The following STRN3 variants were observed in gnomAD, a reference collection of about 807,000 sequenced individuals.
STRN3 encodes striatin 3.
Under a neutral mutation model 95.6 loss-of-function variants are expected in STRN3, and 29 were observed. The ratio of observed to expected loss-of-function variants is 0.30; its 90% CI spans 0.23 to 0.41. The LOEUF is 0.41. STRN3 is among the 10% of genes least tolerant of loss of function. The pLI is 1.00. For missense variants in STRN3, 890 were observed against 972.1 expected (o/e 0.92, Z 1.12); for synonymous variants, 331 against 357.6 (o/e 0.93, Z 0.84).
At chr14:30,974,765 C>CACTA (rs1881007284) in intron 1 of STRN3, among the ~76,000 whole-genome samples, 1 of 152,054 alleles carries the variant, frequency 6.6e-6, no homozygotes, top group Non-Finnish European at 1.5e-5. Flanking sequence ...GACATTGCGC[C>CACTA]ACTACACTCC....
At chr14:30,944,516 A>G (rs558696575) in intron 5 of STRN3, among the ~76,000 whole-genome samples, 1 of 146,624 alleles carries the variant, frequency 6.8e-6, no homozygotes, top group East Asian at 2.0e-4. Flanking sequence ...GTATATATAC[A>G]TAATATATAC....
Position 31,010,649 on chromosome 14 carries a change from T to C in STRN3, c.282+15255A>G, listed in dbSNP as rs181163472. ...ACTTATTTTTAGTTTACCATAAGCA[T>C]TGCATAGTCATTAAACATTCTTCAT... is the stretch of plus-strand genomic sequence containing the variant. On this transcript the variant is annotated intron_variant, in intron 1 of 17. Coordinates refer to ENST00000357479, the MANE Select transcript of STRN3 (RefSeq NM_001083893.2). Among the ~76,000 whole-genome samples the C allele has an allele frequency of 5.5e-4, 84 of 152,200 alleles. 1 individual carries two copies. In the East Asian group the frequency reaches 0.014, roughly 26 times the overall value.
intron 1 of STRN3, among the ~76,000 whole-genome samples, chr14:30,987,414 G>A (rs1006424903): frequency 1.3e-5 from 2 of 152,104 alleles, no homozygotes; most frequent in Non-Finnish European, 2.9e-5. Context: ...GGCTGAGGCA[G>A]GAGAATGGCG....
chr14:31,016,020 C>T (rs1356758590), intron 1 of STRN3, among the ~76,000 whole-genome samples: 2 of 152,166 alleles, frequency 1.3e-5, no homozygotes, highest in Non-Finnish European at 2.9e-5. Context: ...GATACCACTG[C>T]ATAACTACCA....
chr14:31,022,751 C>T (rs1392552499), intron 1 of STRN3, among the ~76,000 whole-genome samples: 2 of 152,180 alleles, frequency 1.3e-5, no homozygotes, highest in African/African-American at 2.4e-5. Flanking sequence ...CAAATCTCAG[C>T]TGCAATACTT....
At chr14:31,007,166 G>A (rs1025601150) in intron 1 of STRN3, among the ~76,000 whole-genome samples, 1 of 152,122 alleles carries the variant, frequency 6.6e-6, no homozygotes, top group South Asian at 2.1e-4. Context: ...CCAAGAAAGG[G>A]TCCAATAAAA....
At chr14:30,946,455 G>A (rs995182957) in intron 5 of STRN3, among the ~76,000 whole-genome samples, 4 of 152,124 alleles carry the variant, frequency 2.6e-5, no homozygotes, top group Non-Finnish European at 4.4e-5. Context: ...GAGGTGGGAG[G>A]ATCACTTGAG....
intron 1 of STRN3, among the ~76,000 whole-genome samples, chr14:30,978,194 A>G (rs1881208167): frequency 1.3e-5 from 2 of 152,190 alleles, no homozygotes; most frequent in East Asian, 3.9e-4. Context: ...AACCAGAAAA[A>G]TGTACTAGAA....
chr14:30,909,772 C>T (rs924156950), intron 13 of STRN3, among the ~76,000 whole-genome samples: 4 of 152,126 alleles, frequency 2.6e-5, no homozygotes, highest in African/African-American at 9.7e-5. Flanking sequence ...ACCATTGTGT[C>T]CAGCCTGAAC....
At chr14:30,964,189 T>C (rs61976779) in intron 1 of STRN3, among the ~76,000 whole-genome samples, 23,654 of 151,920 alleles carry the variant, frequency 0.16, 2,058 homozygotes, top group South Asian at 0.33. Context: ...GAGGTGGAGG[T>C]TGCAGTAAGC....
chr14:30,961,055 C>A (rs202162764), intron 1 of STRN3, among the ~76,000 whole-genome samples: 1 of 151,664 alleles, frequency 6.6e-6, no homozygotes, highest in African/African-American at 2.4e-5. Flanking sequence ...TTAAAAAAGA[C>A]AAAAACACTA....
chr14:30,963,543 G>A (rs191833378), intron 1 of STRN3, among the ~76,000 whole-genome samples: 317 of 152,224 alleles, frequency 2.1e-3, no homozygotes, highest in African/African-American at 7.4e-3. Context: ...CGAGTAGCTG[G>A]GACTACAGGC....
At chr14:30,987,665 A>G (rs1202698917) in intron 1 of STRN3, among the ~76,000 whole-genome samples, 1 of 152,162 alleles carries the variant, frequency 6.6e-6, no homozygotes, top group Non-Finnish European at 1.5e-5. Flanking sequence ...CAATATTTGC[A>G]TTCCAGAAAG....
chr14:31,003,796 TAA>T (rs35951887), intron 1 of STRN3, among the ~76,000 whole-genome samples: 10 of 115,478 alleles, frequency 8.7e-5, no homozygotes, highest in East Asian at 2.6e-4. Flanking sequence ...ACATCTTTCT[TAA>T]AAAAAAAAAA....
chr14:30,973,784 G>A (rs1480153123), intron 1 of STRN3, among the ~76,000 whole-genome samples: 1 of 151,986 alleles, frequency 6.6e-6, no homozygotes, highest in East Asian at 1.9e-4. Flanking sequence ...TGACCAAGAG[G>A]GATTTATTCC....
At chr14:31,024,412 G>A (rs1883678797) in intron 1 of STRN3, among the ~76,000 whole-genome samples, 1 of 152,172 alleles carries the variant, frequency 6.6e-6, no homozygotes, top group Non-Finnish European at 1.5e-5. Context: ...TTTTAAGTAT[G>A]TTAAAGCAGA....
At chr14:31,017,626 A>C (rs918442726) in intron 1 of STRN3, among the ~76,000 whole-genome samples, 1 of 152,340 alleles carries the variant, frequency 6.6e-6, no homozygotes, top group Non-Finnish European at 1.5e-5. Context: ...CCCTGGAACA[A>C]ATTTCCCCCA....
intron 7 of STRN3, among the ~76,000 whole-genome samples, chr14:30,933,293 A>AC (rs1566443557): frequency 1.3e-5 from 2 of 150,306 alleles, no homozygotes; most frequent in African/African-American, 2.4e-5. Context: ...AAAAAAAAAA[A>AC]AAAAAAAAAA....
chr14:30,912,086 C>A lies in STRN3; in HGVS notation c.1471G>T (p.Val491Leu). ...GAAGCAGTAACCAGCACAGGTTCTACAGGATGAAAAGCTAATGCCCGTACT... is the reference window on the plus strand; with the variant it reads ...GAAGCAGTAACCAGCACAGGTTCTAAAGGATGAAAAGCTAATGCCCGTACT... ...DGVRALAFHP[V>L]EPVLVTASED... The change falls in exon 11 of 18, where the codon GTA becomes TTA. Residue 491 changes from valine to leucine, a missense_variant. Val to Leu is a conservative substitution (Grantham distance 32). Around this residue, in one of 3 missense-constraint regions of STRN3, gnomAD observed 357 missense variants for 422.8 expected, o/e 0.84. Transcript: ENST00000357479. 1 of 1,614,128 alleles carries A rather than the reference C, an allele frequency of 6.2e-7. No homozygotes were observed. The highest frequency in any genetic ancestry group is 8.5e-7 in the Non-Finnish European group (1 of 1,180,000).
Sources: gnomAD v4.1 joint callset for allele counts (sites outside exome capture counted in the v4.1 genomes callset) on GRCh38, gnomAD v4.1.1 for gene constraint, gnomAD v4.1.1 regional missense constraint, MANE v1.5 for transcripts, NCBI Gene and HGNC (gene_info 2026-07-23, HGNC 2026-07-21) for gene names.